Variants in SLC38A6 observed in about 807,000 individuals in gnomAD.
SLC38A6 encodes the protein N system amino acid transporter NAT-1.
A neutral mutation model predicts 65.0 loss-of-function variants in SLC38A6; 73 were observed. The observed-to-expected ratio is 1.12, with a 90% CI of 0.93 to 1.37. SLC38A6 has a LOEUF of 1.37. Ranked by LOEUF, SLC38A6 falls within the 40% of genes most tolerant of loss-of-function variation. The pLI, the probability that SLC38A6 is intolerant of heterozygous loss-of-function variation, is 0.00. For synonymous variants in SLC38A6, 183 were observed against 178.8 expected, an observed-to-expected ratio of 1.02 and a Z score of -0.19; for missense variants, 561 against 531.1, an observed-to-expected ratio of 1.06 and a Z score of -0.55.
chr14:61,079,133 CTTTTTT>C (rs34713691), intron 16 of SLC38A6, among the ~76,000 whole-genome samples: 1 of 93,902 alleles, frequency 1.1e-5, no homozygotes, highest in African/African-American at 4.7e-5. Flanking sequence ...TGCCTCCAAA[CTTTTTT>C]TTTTTTTTTT....
Position 60,981,355 on chromosome 14 carries a change from C to T in SLC38A6, c.78C>T (p.Ala26=), listed in dbSNP as rs1021906633. Residue 26 remains alanine (A), a synonymous_variant, in exon 1 of 16, where the codon GCC becomes GCT. Transcript: ENST00000267488. ...VSVQQPEEAE[A]EELSPLLSNE... is the part of the protein sequence containing the mutation. ...TCCAGCAGCCTGAAGAAGCGGAGGC[C>T]GAAGAGTTGAGTCCGTTGCTAAGCA... The T allele has an allele frequency of 6.2e-7, 1 of 1,608,340 alleles. No individual in the cohort carries two copies. Among genetic ancestry groups the T allele is most frequent in the Non-Finnish European group, 8.5e-7 (1 of 1,177,582 alleles).
At chr14:61,001,477 C>G (rs1408583704) in intron 3 of SLC38A6, among the ~76,000 whole-genome samples, 5 of 152,178 alleles carry the variant, frequency 3.3e-5, no homozygotes, top group Admixed American at 2.0e-4. Context: ...TTTACATTAA[C>G]CTTTCCTTTT....
At chr14:61,083,448 C>T in intron 16 of SLC38A6, 1 of 1,454,100 alleles carries the variant, frequency 6.9e-7, no homozygotes, top group Non-Finnish European at 9.1e-7. Flanking sequence ...ATCCCCAGGA[C>T]CTCAGAATGC....
chr14:61,015,109 A>C (rs1045600780), intron 3 of SLC38A6, among the ~76,000 whole-genome samples: 1 of 152,182 alleles, frequency 6.6e-6, no homozygotes, highest in Non-Finnish European at 1.5e-5. Context: ...GCCTCGCTGC[A>C]GCCTTGCAGT....
At chr14:61,026,567 A>G (rs1253651958) in intron 5 of SLC38A6, among the ~76,000 whole-genome samples, 3 of 152,126 alleles carry the variant, frequency 2.0e-5, no homozygotes, top group African/African-American at 7.2e-5. Flanking sequence ...AGCATTCAAA[A>G]GTAGTTTGTT....
chr14:61,075,085 A>C (rs2043355909), intron 15 of SLC38A6, among the ~76,000 whole-genome samples: 1 of 152,242 alleles, frequency 6.6e-6, no homozygotes, highest in African/African-American at 2.4e-5. Context: ...ATAAAAGAGA[A>C]AATGTGAATT....
chr14:60,981,319 G>T lies in SLC38A6; in HGVS notation c.42G>T (p.Trp14Cys). 1 of 1,610,692 alleles carries T rather than the reference G, an allele frequency of 6.2e-7. No individual in the cohort carries two copies. The highest frequency in any genetic ancestry group is 8.5e-7 in the Non-Finnish European group (1 of 1,178,678). Residue 14 changes from tryptophan to cysteine, a missense_variant, in exon 1 of 16, where the codon TGG becomes TGT. Trp to Cys is a radical substitution (Grantham distance 215). Coordinates refer to ENST00000267488, the MANE Select transcript of SLC38A6 (RefSeq NM_153811.3). ...GGAGCTTCAACGCTGAGCGGGGCTG[G>T]TATGTCTCTGTCCAGCAGCCTGAAG... ...SWGSFNAERG[W>C]YVSVQQPEEA...
intron 4 of SLC38A6, 81 bp downstream of exon 4, chr14:61,016,037 A>G (rs1382329917): frequency 1.7e-5 from 17 of 1,022,368 alleles, no homozygotes; most frequent in Admixed American, 2.3e-5. Flanking sequence ...AGACAAGTAT[A>G]TACAAGAGGA....
intron 10 of SLC38A6, among the ~76,000 whole-genome samples, chr14:61,044,626 A>G (rs2042021468): frequency 6.6e-6 from 1 of 152,218 alleles, no homozygotes; most frequent in Admixed American, 6.5e-5. Context: ...TTTTTAGAGC[A>G]GAAAGGAGAA....
rs565928081 is a variant in SLC38A6 at position 61,006,510 on chromosome 14, C to T, written c.311-9394C>T. ...AAAAACAACCCCATCAAAAAGTGGG[C>T]GAAGGACATGAACAGATACTTCTCA... On this transcript the variant is annotated intron_variant, in intron 3 of 15. Coordinates refer to ENST00000267488, the MANE Select transcript of SLC38A6 (RefSeq NM_153811.3). Among the ~76,000 whole-genome samples, 35 of 152,200 alleles carry T rather than the reference C, an allele frequency of 2.3e-4. 1 individual carries two copies. The highest frequency in any genetic ancestry group is 6.8e-3 in the Middle Eastern group (2 of 294).
chr14:61,067,902 C>A (rs1178046851), intron 15 of SLC38A6, among the ~76,000 whole-genome samples: 1 of 152,118 alleles, frequency 6.6e-6, no homozygotes, highest in Non-Finnish European at 1.5e-5. Context: ...ATCATACTTA[C>A]ATTTTTTCAT....
chr14:61,083,463 G>C, intron 16 of SLC38A6: 2 of 1,478,042 alleles, frequency 1.4e-6, no homozygotes, highest in Non-Finnish European at 1.8e-6. Flanking sequence ...GAATGCAACT[G>C]TATTTGGAGA....
At chr14:60,992,269 C>T (rs887154797) in intron 3 of SLC38A6, among the ~76,000 whole-genome samples, 1 of 152,324 alleles carries the variant, frequency 6.6e-6, no homozygotes, top group Admixed American at 6.5e-5. Flanking sequence ...GTGAGCTCAA[C>T]GTGTTTAAAA....
intron 15 of SLC38A6, among the ~76,000 whole-genome samples, chr14:61,061,313 A>G (rs1023156136): frequency 1.3e-5 from 2 of 152,194 alleles, no homozygotes; most frequent in Admixed American, 1.3e-4. Context: ...TTAACTTTTA[A>G]TGTGTTGCTG....
intron 8 of SLC38A6, among the ~76,000 whole-genome samples, chr14:61,039,241 T>G (rs1421207412): frequency 1.3e-5 from 2 of 152,246 alleles, no homozygotes; most frequent in African/African-American, 2.4e-5. Context: ...CTACATTTAT[T>G]GTAATGCCTT....
intron 3 of SLC38A6, among the ~76,000 whole-genome samples, chr14:61,007,685 T>C (rs1223569449): frequency 2.4e-5 from 1 of 41,992 alleles, no homozygotes; most frequent in Non-Finnish European, 6.1e-5. Flanking sequence ...ATGAAACGGA[T>C]GCTGAAAATG....
chr14:61,036,464 G>C (rs975311890), intron 6 of SLC38A6, among the ~76,000 whole-genome samples: 6 of 151,776 alleles, frequency 4.0e-5, no homozygotes, highest in Non-Finnish European at 7.4e-5. Context: ...CAAGGGGAGG[G>C]GGAGCATTAG....
chr14:60,993,775 A>C (rs1451747911), intron 3 of SLC38A6, among the ~76,000 whole-genome samples: 2 of 152,222 alleles, frequency 1.3e-5, no homozygotes, highest in Non-Finnish European at 2.9e-5. Context: ...TTAATGCATC[A>C]CACTTACGTC....
At chr14:61,083,063 A>G (rs571433128) in intron 16 of SLC38A6, among the ~76,000 whole-genome samples, 1 of 152,288 alleles carries the variant, frequency 6.6e-6, no homozygotes, top group Non-Finnish European at 1.5e-5. Context: ...AGCCACACCA[A>G]ATAGTTTGAG....
Sources: gnomAD v4.1 joint callset for allele counts (sites outside exome capture counted in the v4.1 genomes callset) on GRCh38, gnomAD v4.1.1 for gene constraint, MANE v1.5 for transcripts, NCBI Gene and HGNC (gene_info 2026-07-23, HGNC 2026-07-21) for gene names.